Variants in ZFHX4 observed in about 807,000 individuals in gnomAD.
The protein encoded by ZFHX4 is zinc finger homeobox protein 4.
In ZFHX4, 56 loss-of-function variants were observed where a neutral mutation model predicts 267.6. The ratio of observed to expected loss-of-function variants is 0.21; its 90% CI spans 0.17 to 0.26. The LOEUF is 0.26. Ranked by LOEUF, ZFHX4 falls within the 10% of genes least tolerant of loss-of-function variation. The pLI is 1.00. For missense variants in ZFHX4, 4,332 were observed against 4,420.0 expected (o/e 0.98, Z 0.56); for synonymous variants, 1,778 against 1,665.6 (o/e 1.07, Z -1.64).
At chr8:76,730,824 T>C (rs1808989725) in intron 3 of ZFHX4, among the ~76,000 whole-genome samples, 1 of 152,182 alleles carries the variant, frequency 6.6e-6, no homozygotes, top group African/African-American at 2.4e-5. Context: ...ATAAGACATC[T>C]ATAAAGCTCC....
chr8:76,715,123 G>C (rs150530961), intron 3 of ZFHX4, among the ~76,000 whole-genome samples: 3 of 152,222 alleles, frequency 2.0e-5, no homozygotes, highest in African/African-American at 7.2e-5. Flanking sequence ...TACTAGTTAG[G>C]ACATATATGT....
intron 5 of ZFHX4, among the ~76,000 whole-genome samples, chr8:76,836,009 G>A (rs1347726105): frequency 1.3e-5 from 2 of 151,972 alleles, no homozygotes; most frequent in African/African-American, 4.8e-5. Context: ...CATCTCAATT[G>A]ATGACATCAC....
intron 4 of ZFHX4, among the ~76,000 whole-genome samples, chr8:76,782,483 TA>T (rs1276055929): frequency 2.6e-5 from 4 of 152,022 alleles, no homozygotes; most frequent in Non-Finnish European, 5.9e-5. Context: ...CTTTGAGCCT[TA>T]AATTTTTAAT....
intron 6 of ZFHX4, among the ~76,000 whole-genome samples, chr8:76,844,719 T>A (rs1812321490): frequency 6.6e-6 from 1 of 152,118 alleles, no homozygotes; most frequent in Non-Finnish European, 1.5e-5. Context: ...CCCATATAAA[T>A]GCCTTCCTGG....
At chr8:76,764,815 A>G (rs1419028354) in intron 3 of ZFHX4, among the ~76,000 whole-genome samples, 2 of 152,186 alleles carry the variant, frequency 1.3e-5, no homozygotes, top group Non-Finnish European at 2.9e-5. Flanking sequence ...TTATTAAAGC[A>G]AAAGTCATTT....
At chr8:76,800,416 C>A (rs561498561) in intron 4 of ZFHX4, among the ~76,000 whole-genome samples, 4 of 152,074 alleles carry the variant, frequency 2.6e-5, no homozygotes, top group Non-Finnish European at 4.4e-5. Flanking sequence ...ACCTCAGGAG[C>A]GAACTGAAAG....
chr8:76,856,402 A>G, intron 10 of ZFHX4, 102 bp downstream of exon 10: 8 of 1,321,678 alleles, frequency 6.1e-6, no homozygotes, highest in Middle Eastern at 1.8e-4. Flanking sequence ...TTTTAATTTC[A>G]GCTAGTGAAA....
chr8:76,756,098 C>T (rs1429974430), intron 3 of ZFHX4, among the ~76,000 whole-genome samples: 1 of 152,162 alleles, frequency 6.6e-6, no homozygotes, highest in Admixed American at 6.5e-5. Context: ...CGTGCAGATT[C>T]ATTTAAGTAC....
At chr8:76,715,111 T>A (rs762447098) in intron 3 of ZFHX4, among the ~76,000 whole-genome samples, 1 of 152,214 alleles carries the variant, frequency 6.6e-6, no homozygotes, top group Non-Finnish European at 1.5e-5. Flanking sequence ...ATAGAGCTTT[T>A]CTACTAGTTA....
In ZFHX4 at chr8:76,842,849, C is replaced by T. The variant is rs369363925; in HGVS notation, c.3511+78C>T. The T allele has an allele frequency of 1.9e-5, 19 of 1,004,166 alleles. No individual in the cohort carries two copies. The East Asian group carries it at 2.1e-4, about 11-fold the overall frequency. The allele number at this position is 1,004,166 out of a possible 1,614,324, so 62.2% of individuals were successfully genotyped here. ...ATCAACTCTTCCTTCACCATCCCCC[C>T]ACCCCACAAAACTTATTAAAAGCTT... On this transcript the variant is annotated intron_variant, in intron 6 of 10. Coordinates refer to ENST00000651372, the MANE Select transcript of ZFHX4 (RefSeq NM_024721.5).
intron 4 of ZFHX4, among the ~76,000 whole-genome samples, chr8:76,826,994 G>T (rs1301984676): frequency 6.6e-6 from 1 of 152,190 alleles, no homozygotes; most frequent in African/African-American, 2.4e-5. Flanking sequence ...CAGTTCCTAT[G>T]CTGATGAGCA....
At chr8:76,783,603 C>T (rs1215554719) in intron 4 of ZFHX4, among the ~76,000 whole-genome samples, 1 of 151,890 alleles carries the variant, frequency 6.6e-6, no homozygotes, top group Admixed American at 6.6e-5. Context: ...AATATGTGTG[C>T]ACCTCAAGAG....
intron 3 of ZFHX4, among the ~76,000 whole-genome samples, chr8:76,771,438 T>G (rs1052957888): frequency 4.6e-5 from 7 of 152,030 alleles, no homozygotes; most frequent in Non-Finnish European, 1.5e-5. Context: ...TTTGCTTTTT[T>G]GTTTTGTTTT....
Position 76,705,032 on chromosome 8 carries a change from A to G in ZFHX4, c.944A>G (p.Asn315Ser), listed in dbSNP as rs1219975961. Residue 315 changes from asparagine (N) to serine (S), a missense_variant, in exon 2 of 11, where the codon AAT (asparagine) becomes AGT (serine). Coordinates refer to ENST00000651372, the MANE Select transcript of ZFHX4 (RefSeq NM_024721.5). ...LNDEEQKLLS[N>S]KCVSAIIQGI... ...GACGAGGAGCAGAAGCTCCTCAGTA[A>G]TAAATGCGTCTCCGCCATAATACAG... 2 of 1,613,976 alleles carry G rather than the reference A, an allele frequency of 1.2e-6. No homozygotes were observed. The highest frequency in any genetic ancestry group is 1.7e-6 in the Non-Finnish European group (2 of 1,179,888).
chr8:76,765,030 T>G (rs1810016038), intron 3 of ZFHX4, among the ~76,000 whole-genome samples: 1 of 152,148 alleles, frequency 6.6e-6, no homozygotes, highest in Admixed American at 6.5e-5. Context: ...GAGGCCAGTT[T>G]TCAATCTCGT....
At chr8:76,718,036 A>T (rs1449724387) in intron 3 of ZFHX4, among the ~76,000 whole-genome samples, 1 of 152,218 alleles carries the variant, frequency 6.6e-6, no homozygotes, top group Non-Finnish European at 1.5e-5. Flanking sequence ...AATTGTGAAA[A>T]ATCAGGTAGC....
In ZFHX4 at chr8:76,721,992, C is replaced by G. The variant is rs563960056; in HGVS notation, c.3093+13944C>G. On this transcript the variant is annotated intron_variant, in intron 3 of 10. Transcript: ENST00000651372. Reference sequence around the variant, plus strand: ...TAAAAGTATGAATATGCCTCTTTCTCATATCTGATGTAATATTCGATGTTG... The same window carrying G: ...TAAAAGTATGAATATGCCTCTTTCTGATATCTGATGTAATATTCGATGTTG... 7.2e-5 allele frequency among the ~76,000 whole-genome samples: 11 copies of G among 152,036 alleles called. No individual in the cohort carries two copies. In the East Asian group the frequency reaches 2.1e-3, roughly 29 times the overall value.
At position 76,706,221 on chromosome 8, in the gene ZFHX4, AG is replaced by A. The variant is rs1237282546; in HGVS notation, c.2135del (p.Gly712AlafsTer13). 6.2e-7 allele frequency: 1 copy of A among 1,614,000 alleles called. No homozygotes were observed. The highest frequency in any genetic ancestry group is 8.5e-7 in the Non-Finnish European group (1 of 1,179,994). ...TTTGTAACTACTCTACCACTACCAA[AG>A]GCAACCTCAGTATTCATATGCAGTC... The part of the protein sequence containing the change: ...EVCNYSTTTK[G>X]NLSIHMQSDK... On this transcript the variant is annotated frameshift_variant, in exon 2 of 11. Transcript: ENST00000651372. LOFTEE classifies it high-confidence loss of function.
intron 3 of ZFHX4, among the ~76,000 whole-genome samples, chr8:76,728,424 T>C (rs1808912300): frequency 6.6e-6 from 1 of 152,126 alleles, no homozygotes; most frequent in Non-Finnish European, 1.5e-5. Flanking sequence ...GCAAATTCCA[T>C]AGGTTTGAGT....
Sources: allele counts gnomAD v4.1 joint callset (sites outside exome capture counted in the v4.1 genomes callset), GRCh38; gene constraint gnomAD v4.1.1; transcripts MANE v1.5; gene names NCBI Gene and HGNC (gene_info 2026-07-23, HGNC 2026-07-21).